ZSCAN1: variants seen among roughly 807,000 people sequenced by gnomAD.
The protein encoded by ZSCAN1 is zinc finger and SCAN domain containing 1.
ZSCAN1 carries 23 observed loss-of-function variants against 23.8 expected under a neutral mutation model. The ratio of observed to expected loss-of-function variants is 0.97; its 90% confidence interval spans 0.70 to 1.37. The LOEUF (loss-of-function observed/expected upper bound fraction) is 1.37, where lower values mean the gene tolerates loss of function less well. Among genes scored for constraint, ZSCAN1 ranks in the 40% most tolerant of loss-of-function variants. ZSCAN1 has a pLI of 0.00. For synonymous variants in ZSCAN1, 236 were observed against 232.3 expected (o/e 1.02, Z -0.15); for missense variants, 575 against 554.0 (o/e 1.04, Z -0.38).
At chr19:58,046,812 C>G (rs1040853236) in intron 4 of ZSCAN1, 2 of 733,318 alleles carry the variant, frequency 2.7e-6, no homozygotes, top group Non-Finnish European at 5.0e-6. Context: ...CACTGCCACC[C>G]TGGTGAGGGC....
chr19:58,050,326 C>T (rs2073851282), intron 4 of ZSCAN1, among the ~76,000 whole-genome samples: 1 of 151,700 alleles, frequency 6.6e-6, no homozygotes, highest in Non-Finnish European at 1.5e-5. Flanking sequence ...GTCCCAGCTA[C>T]TCGGGAGGCT....
rs2073778807 is a variant in ZSCAN1 at position 58,040,394 on chromosome 19, G to T, written c.371-56G>T. 2 of 1,589,946 alleles carry T rather than the reference G, an allele frequency of 1.3e-6. No individual in the cohort carries two copies. The highest frequency in any genetic ancestry group is 2.2e-5 in the South Asian group (2 of 90,492). On this transcript the variant is annotated intron_variant, in intron 3 of 5. Transcript: ENST00000282326. The surrounding 1 kb of genome is among the most constrained non-coding windows in gnomAD (Gnocchi z 5.8). ...GTCTGCCCTCCCCAGAAGGCCTGGA[G>T]AATTGGGGGCTCTGGGAAGAACAGG...
intron 4 of ZSCAN1, among the ~76,000 whole-genome samples, chr19:58,042,407 G>A (rs2073796309): frequency 6.6e-6 from 1 of 151,778 alleles, no homozygotes; most frequent in Non-Finnish European, 1.5e-5. Flanking sequence ...ACAGGCGCCC[G>A]CCACCTCCCC....
At chr19:58,041,910 C>A (rs2073792052) in intron 4 of ZSCAN1, among the ~76,000 whole-genome samples, 1 of 152,132 alleles carries the variant, frequency 6.6e-6, no homozygotes, top group Non-Finnish European at 1.5e-5. Context: ...GTGGCTCACG[C>A]ATGTAATCCC....
In ZSCAN1 at chr19:58,035,830, G is replaced by A. The variant is rs1250697103; in HGVS notation, c.-151-140G>A. On this transcript the variant is annotated intron_variant, in intron 1 of 5. Transcript: ENST00000282326. ...ACCAGATGCACGAGAACTGCAGAGT[G>A]TATGAAAAATGCAGCAGAGGATGAA... 6 of 152,318 alleles carry A rather than the reference G, an allele frequency of 3.9e-5. No individual in the cohort carries two copies. The East Asian group carries it at 1.2e-3, about 29-fold the overall frequency. The allele number at this position is 152,318 out of a possible 1,614,324, so 9.4% of individuals were successfully genotyped here.
At chr19:58,051,118 G>A (rs2073856132) in intron 4 of ZSCAN1, among the ~76,000 whole-genome samples, 2 of 152,090 alleles carry the variant, frequency 1.3e-5, no homozygotes, top group Admixed American at 1.3e-4. Context: ...AACTAAGCAT[G>A]CCCCTCTCTC....
Position 58,045,941 on chromosome 19 carries a change from AG to A in ZSCAN1, c.465+5399del. Reference sequence around the variant, plus strand: ...AAAGTGGCCGAGGTGGAGGGCAAGCAGGTGGACAAGGCCAAGCTAGAGGCCA... The same window carrying A: ...AAAGTGGCCGAGGTGGAGGGCAAGCAGTGGACAAGGCCAAGCTAGAGGCCA... On this transcript the variant is annotated intron_variant, in intron 4 of 5. Transcript: ENST00000282326. The surrounding 1 kb of genome is among the most constrained non-coding windows in gnomAD (Gnocchi z 4.3). 2 of 879,468 alleles carry A rather than the reference AG, an allele frequency of 2.3e-6. No homozygotes were observed. Among genetic ancestry groups the A allele is most frequent in the Non-Finnish European group, 3.8e-6 (2 of 523,612 alleles). 54.5% of individuals were successfully genotyped at this position (879,468 alleles called of 1,614,324 possible). A position where few individuals can be genotyped will look rare whatever the true frequency, so the allele number is the denominator to read the frequency against.
rs1382163981 is a variant in ZSCAN1, at chr19:58,053,089, A to C, written c.605-340A>C. 2.0e-5 allele frequency among the ~76,000 whole-genome samples: 3 copies of C among 151,592 alleles called. No individual in the cohort carries two copies. Among genetic ancestry groups the C allele is most frequent in the East Asian group, 3.9e-4 (2 of 5,134 alleles). ...ATTCTCCTGCCTCACCCTCCTGAGTAGCTGGGATTACAGGCGCACACCACC... is the reference window on the plus strand; with the variant it reads ...ATTCTCCTGCCTCACCCTCCTGAGTCGCTGGGATTACAGGCGCACACCACC... On this transcript the variant is annotated intron_variant, in intron 5 of 5. Transcript: ENST00000282326. This position sits in a 1 kb window ranked among gnomAD's most constrained non-coding sequence, Gnocchi z 5.8.
At chr19:58,050,404 C>G (rs1340007783) in intron 4 of ZSCAN1, among the ~76,000 whole-genome samples, 1 of 151,874 alleles carries the variant, frequency 6.6e-6, no homozygotes, top group South Asian at 2.1e-4. Flanking sequence ...CCACTGCACT[C>G]CAGCCTGGGC....
chr19:58,038,381 G>A, intron 3 of ZSCAN1, 175 bp downstream of exon 3: 1 of 808,004 alleles, frequency 1.2e-6, no homozygotes, highest in Non-Finnish European at 1.9e-6. Flanking sequence ...TAAATGTGCT[G>A]CACGCCTCAT....
chr19:58,038,569 T>C (rs1005358273), intron 3 of ZSCAN1: 2 of 520,670 alleles, frequency 3.8e-6, no homozygotes, highest in Non-Finnish European at 6.7e-6. Context: ...ATCCTAGAGA[T>C]CCTTAAGCCT....
At chr19:58,037,667 C>A (rs2073747656) in intron 2 of ZSCAN1, 61 bp from the exon 3 acceptor site, 10 of 809,926 alleles carry the variant, frequency 1.2e-5, no homozygotes, top group Non-Finnish European at 1.8e-5. Context: ...AGCCGAGGGG[C>A]ATCCTGAGTA....
intron 4 of ZSCAN1, among the ~76,000 whole-genome samples, chr19:58,048,890 G>C (rs566257057): frequency 6.6e-6 from 1 of 152,222 alleles, no homozygotes; most frequent in African/African-American, 2.4e-5. Context: ...TTACAGGCTT[G>C]AGCCACAGTG....
chr19:58,049,882 C>T lies in ZSCAN1; in HGVS notation c.466-2608C>T, dbSNP rs183562557. ...GCATCTCAGGTATGCATTATCTCAC[C>T]GGTGAGCTTTTTCTTGTGGGCATTC... On this transcript the variant is annotated intron_variant, in intron 4 of 5. Coordinates refer to ENST00000282326, the MANE Select transcript of ZSCAN1 (RefSeq NM_182572.4). This position sits in a 1 kb window ranked among gnomAD's most constrained non-coding sequence, Gnocchi z 4.5. Among the ~76,000 whole-genome samples the T allele has an allele frequency of 7.9e-5, 12 of 152,270 alleles. No individual in the cohort carries two copies. Among genetic ancestry groups the T allele is most frequent in the East Asian group, 1.9e-4 (1 of 5,182 alleles).
rs912134107 is a variant in ZSCAN1 at position 58,045,678 on chromosome 19, C to A, written c.465+5134C>A. 7 of 921,994 alleles carry A rather than the reference C, an allele frequency of 7.6e-6. No homozygotes were observed. Among genetic ancestry groups the A allele is most frequent in the Admixed American group, 1.8e-5 (1 of 56,960 alleles). 57.1% of individuals were successfully genotyped at this position (921,994 alleles called of 1,614,324 possible). A position where few individuals can be genotyped will look rare whatever the true frequency, so the allele number is the denominator to read the frequency against. On this transcript the variant is annotated intron_variant, in intron 4 of 5. Coordinates refer to ENST00000282326, the MANE Select transcript of ZSCAN1 (RefSeq NM_182572.4). The surrounding 1 kb of genome is among the most constrained non-coding windows in gnomAD (Gnocchi z 4.3). ...CTGAGGAAGGGGTGGACAGCCTGAA[C>A]GTCAAGGAGCTGCAGGCGGCATGTC...
chr19:58,034,973 C>T (rs1193376213), intron 1 of ZSCAN1, among the ~76,000 whole-genome samples: 1 of 151,850 alleles, frequency 6.6e-6, no homozygotes, highest in African/African-American at 2.4e-5. Context: ...ACTAAGCATC[C>T]GGCATCAGCG....
downstream of ZSCAN1, among the ~76,000 whole-genome samples, chr19:58,055,816 T>G (rs2073886778): frequency 6.6e-6 from 1 of 152,178 alleles, no homozygotes; most frequent in African/African-American, 2.4e-5. Context: ...ACACGAGGCA[T>G]CAGTCAGGCT....
rs2073879117 is a variant in ZSCAN1, at chr19:58,054,333, T to G, written c.*282T>G. The G allele has an allele frequency of 2.8e-6, 1 of 353,000 alleles. No individual in the cohort carries two copies. Among genetic ancestry groups the G allele is most frequent in the Non-Finnish European group, 5.1e-6 (1 of 195,554 alleles). 21.9% of individuals were successfully genotyped at this position (353,000 alleles called of 1,614,324 possible). A position where few individuals can be genotyped will look rare whatever the true frequency, so the allele number is the denominator to read the frequency against. Reference sequence around the variant, plus strand: ...CAAGTGGCTTGAAGAGGAGTTTCATTCGCGTCCCATCTTTCAGAAGCCTTG... The same window carrying G: ...CAAGTGGCTTGAAGAGGAGTTTCATGCGCGTCCCATCTTTCAGAAGCCTTG... On this transcript the variant is annotated 3_prime_UTR_variant, in exon 6 of 6. Coordinates refer to ENST00000282326, the MANE Select transcript of ZSCAN1 (RefSeq NM_182572.4). This position sits in a 1 kb window ranked among gnomAD's most constrained non-coding sequence, Gnocchi z 4.2.
intron 1 of ZSCAN1, among the ~76,000 whole-genome samples, chr19:58,035,098 T>A (rs2073725332): frequency 6.6e-6 from 1 of 151,742 alleles, no homozygotes; most frequent in Non-Finnish European, 1.5e-5. Context: ...CAAGTGACAC[T>A]CTCTCACACA....
Sources: gnomAD v4.1 joint callset for allele counts (sites outside exome capture counted in the v4.1 genomes callset) on GRCh38, gnomAD v4.1.1 for gene constraint, Gnocchi (gnomAD v3.1) non-coding constraint, MANE v1.5 for transcripts, NCBI Gene and HGNC (gene_info 2026-07-23, HGNC 2026-07-21) for gene names.